The following MKRN1 variants were observed in gnomAD, a reference collection of about 807,000 sequenced individuals.
The protein encoded by MKRN1 is makorin ring finger protein 1, also known as E3 ubiquitin-protein ligase makorin-1.
In MKRN1, 9 loss-of-function variants were observed where a neutral mutation model predicts 55.5. The observed-to-expected ratio is 0.16, with a 90% CI of 0.10 to 0.28. The LOEUF is 0.28. Among genes scored for constraint, MKRN1 ranks in the 10% least tolerant of loss-of-function variants. The pLI is 1.00. For missense variants in MKRN1, 488 were observed against 626.7 expected, an observed-to-expected ratio of 0.78 and a Z score of 2.36; for synonymous variants, 253 against 235.9, an observed-to-expected ratio of 1.07 and a Z score of -0.66.
At chr7:140,465,569 TACTAG>T (rs138435986) in intron 2 of MKRN1, among the ~76,000 whole-genome samples, 40,525 of 151,568 alleles carry the variant, frequency 0.27, 9,190 homozygotes, top group African/African-American at 0.63. Flanking sequence ...TCTGGGAAAA[TACTAG>T]ACTAGATATC....
At position 140,479,265 on chromosome 7, in the gene MKRN1, G is replaced by A. The variant is rs765951978; in HGVS notation, c.80C>T (p.Ser27Phe). 1.4e-6 allele frequency: 2 copies of A among 1,399,218 alleles called. No individual in the cohort carries two copies. The highest frequency in any genetic ancestry group is 7.3e-5 in the Admixed American group (2 of 27,356). 86.7% of individuals were successfully genotyped at this position (1,399,218 alleles called of 1,614,324 possible). ...GGTGACTGTGGGGATCGGGGTGGGG[G>A]AGGCTGCTGCCGCCGTCGCCGCTGC... ...GAAAATAAAA[S>F]PTPIPTVTAP... Residue 27 changes from serine to phenylalanine, a missense_variant, in exon 1 of 8, where the codon TCC (serine) becomes TTC (phenylalanine). By Grantham distance (155) the Ser-to-Phe change is radical. Coordinates refer to ENST00000255977, the MANE Select transcript of MKRN1 (RefSeq NM_013446.4).
At chr7:140,479,107 C>G in intron 1 of MKRN1, 53 bp downstream of exon 1, 1 of 1,284,494 alleles carries the variant, frequency 7.8e-7, no homozygotes, top group Non-Finnish European at 9.8e-7. Flanking sequence ...GCGCCGCAGG[C>G]TTGGCCCGCG....
intron 2 of MKRN1, among the ~76,000 whole-genome samples, chr7:140,470,140 G>A (rs56059991): frequency 0.16 from 23,478 of 149,310 alleles, 2,171 homozygotes; most frequent in African/African-American, 0.25. Context: ...AGAATCTCTC[G>A]AACGCGGGAG....
intron 1 of MKRN1, chr7:140,473,410 TAG>T (rs1337902712): frequency 3.1e-6 from 1 of 324,760 alleles, no homozygotes; most frequent in Non-Finnish European, 6.0e-6. Flanking sequence ...GCCCCCAACA[TAG>T]AGAACAAGAA....
chr7:140,456,259 T>C, intron 5 of MKRN1: 1 of 1,161,322 alleles, frequency 8.6e-7, no homozygotes, highest in Non-Finnish European at 1.1e-6. Flanking sequence ...TGTTCAGTTA[T>C]GAGAACAATC....
Position 140,468,701 on chromosome 7 carries a change from C to CAAAAAAAAA in MKRN1, c.314+3173_314+3181dup, listed in dbSNP as rs528725182. On this transcript the variant is annotated intron_variant, in intron 2 of 7. Transcript: ENST00000255977. ...GGCGACAGACTGAGACTCTGTCTCA[C>CAAAAAAAAA]AAAAAAAAAAAAAAAAAAAAAAAAG... Among the ~76,000 whole-genome samples, 71 of 32,116 alleles carry CAAAAAAAAA rather than the reference C, an allele frequency of 2.2e-3. 3 individuals carry two copies. Among genetic ancestry groups the CAAAAAAAAA allele is most frequent in the African/African-American group, 3.2e-3 (33 of 10,212 alleles). 21.1% of individuals were successfully genotyped at this position (32,116 alleles called of 152,430 possible). A position where few individuals can be genotyped will look rare whatever the true frequency, so the allele number is the denominator to read the frequency against.
Position 140,458,701 on chromosome 7 carries a change from T to A in MKRN1, c.771+306A>T, listed in dbSNP as rs1458850327. 2.0e-5 allele frequency among the ~76,000 whole-genome samples: 3 copies of A among 152,242 alleles called. No homozygotes were observed. The East Asian group carries it at 5.8e-4, about 29-fold the overall frequency. ...AAAAAAATGTTAGAAGTCTATAGTCTGAGTTTCTGGAAGTAGGACTTCTTT... is the reference window on the plus strand; with the variant it reads ...AAAAAAATGTTAGAAGTCTATAGTCAGAGTTTCTGGAAGTAGGACTTCTTT... On this transcript the variant is annotated intron_variant, in intron 4 of 7. Transcript: ENST00000255977.
chr7:140,456,975 CAATGTTCCCAAGCTGACACGAAAATT>C, intron 4 of MKRN1, 109 bp from the exon 5 acceptor site: 2 of 1,116,102 alleles, frequency 1.8e-6, no homozygotes. Context: ...ACTGAAAAAA[CAATGTTCCCAAGCTGACACGAAAATT>C]AGCTTTGCTG....
Position 140,479,405 on chromosome 7 carries a change from G to C in MKRN1, c.-61C>G. ...TCCGGGATCACATAGTTCCGGTCCG[G>C]CTGCGGGGAGAGGACGGCGAGGCCA... On this transcript the variant is annotated 5_prime_UTR_variant, in exon 1 of 8. Coordinates refer to ENST00000255977, the MANE Select transcript of MKRN1 (RefSeq NM_013446.4). 2 of 1,258,334 alleles carry C rather than the reference G, an allele frequency of 1.6e-6. No homozygotes were observed. The highest frequency in any genetic ancestry group is 6.5e-5 in the South Asian group (2 of 30,592). 77.9% of individuals were successfully genotyped at this position (1,258,334 alleles called of 1,614,324 possible). A position where few individuals can be genotyped will look rare whatever the true frequency, so the allele number is the denominator to read the frequency against.
In MKRN1 at chr7:140,470,142, A is replaced by T. The variant is rs144592133; in HGVS notation, c.314+1741T>A. 5.5e-3 allele frequency among the ~76,000 whole-genome samples: 828 copies of T among 151,570 alleles called. 6 individuals are homozygous for T. The highest frequency in any genetic ancestry group is 0.018 in the African/African-American group (746 of 41,340). On this transcript the variant is annotated intron_variant, in intron 2 of 7. Coordinates refer to ENST00000255977, the MANE Select transcript of MKRN1 (RefSeq NM_013446.4). ...AGGCCAAGGCAGGAGAATCTCTCGA[A>T]CGCGGGAGGCAGAGGTTGCAGTGAG...
At chr7:140,472,972 C>G in intron 1 of MKRN1, among the ~76,000 whole-genome samples, 1 of 151,420 alleles carries the variant, frequency 6.6e-6, no homozygotes, top group South Asian at 2.1e-4. Flanking sequence ...AAAAAATTAG[C>G]CGGGCATGGT....
At chr7:140,465,102 C>G (rs1284303371) in intron 2 of MKRN1, among the ~76,000 whole-genome samples, 1 of 152,206 alleles carries the variant, frequency 6.6e-6, no homozygotes, top group Non-Finnish European at 1.5e-5. Flanking sequence ...AACCCTTTCC[C>G]TGGTTGGTTT....
At chr7:140,472,219 A>T (rs1208245334) in intron 1 of MKRN1, 1 of 583,888 alleles carries the variant, frequency 1.7e-6, no homozygotes, top group Non-Finnish European at 2.9e-6. Context: ...TCAGGGGTCT[A>T]AGACCAGCGG....
Position 140,479,410 on chromosome 7 carries a change from G to C in MKRN1, c.-66C>G. On this transcript the variant is annotated 5_prime_UTR_variant, in exon 1 of 8. Transcript: ENST00000255977. ...GATCACATAGTTCCGGTCCGGCTGC[G>C]GGGAGAGGACGGCGAGGCCAGGCGA... 2 of 1,255,922 alleles carry C rather than the reference G, an allele frequency of 1.6e-6. No individual in the cohort carries two copies. Among genetic ancestry groups the C allele is most frequent in the Non-Finnish European group, 2.0e-6 (2 of 995,008 alleles). The allele number at this position is 1,255,922 out of a possible 1,614,324, so 77.8% of individuals were successfully genotyped here. A position where few individuals can be genotyped will look rare whatever the true frequency, so the allele number is the denominator to read the frequency against.
At chr7:140,459,354 T>C in intron 3 of MKRN1, 121 bp from the exon 4 acceptor site, 3 of 949,092 alleles carry the variant, frequency 3.2e-6, no homozygotes, top group East Asian at 2.6e-5. Flanking sequence ...AACAGTCTAC[T>C]GAACTAACTT....
At chr7:140,459,674 T>C in intron 3 of MKRN1, 33 bp downstream of exon 3, 1 of 1,594,410 alleles carries the variant, frequency 6.3e-7, no homozygotes, top group Non-Finnish European at 8.6e-7. Context: ...TATCCAGCCC[T>C]CTAACTCTTA....
chr7:140,472,280 CA>C, intron 1 of MKRN1: 1 of 374,398 alleles, frequency 2.7e-6, no homozygotes, highest in Non-Finnish European at 5.0e-6. Context: ...ACTAAAAATA[CA>C]AAAATTGGCT....
intron 2 of MKRN1, among the ~76,000 whole-genome samples, chr7:140,470,781 G>T (rs1177199582): frequency 1.3e-5 from 2 of 151,988 alleles, no homozygotes; most frequent in African/African-American, 4.8e-5. Flanking sequence ...GCCGGGCATA[G>T]TGGCACGCAG....
At chr7:140,455,010 C>G in intron 7 of MKRN1, 85 bp downstream of exon 7, 5 of 1,547,716 alleles carry the variant, frequency 3.2e-6, no homozygotes, top group Non-Finnish European at 4.4e-6. Flanking sequence ...TGAGCGTTAA[C>G]CTTCTCCTTC....
Sources: allele counts gnomAD v4.1 joint callset (sites outside exome capture counted in the v4.1 genomes callset), GRCh38; gene constraint gnomAD v4.1.1; transcripts MANE v1.5; gene names NCBI Gene and HGNC (gene_info 2026-07-23, HGNC 2026-07-21).